The following PHLPP1 variants were observed in gnomAD, a reference collection of about 807,000 sequenced individuals.
PHLPP1 encodes the protein PH domain and leucine rich repeat protein phosphatase 1, also known as PH domain leucine-rich repeat-containing protein phosphatase 1.
In PHLPP1, 42 loss-of-function variants were observed where a neutral mutation model predicts 117.2. That is an observed-to-expected ratio of 0.36 (90% CI 0.28 to 0.46). The LOEUF (loss-of-function observed/expected upper bound fraction) is 0.46. Among genes scored for constraint, PHLPP1 ranks in the 20% least tolerant of loss-of-function variants. The pLI, the probability that PHLPP1 is intolerant of heterozygous loss-of-function variation, is 1.00. For synonymous variants in PHLPP1, 1,042 were observed against 970.7 expected, an observed-to-expected ratio of 1.07 and a Z score of -1.37; for missense variants, 2,084 against 2,241.9, an observed-to-expected ratio of 0.93 and a Z score of 1.42.
At chr18:62,847,247 CGTT>C in intron 3 of PHLPP1, among the ~76,000 whole-genome samples, 1 of 152,208 alleles carries the variant, frequency 6.6e-6, no homozygotes, top group East Asian at 1.9e-4. Flanking sequence ...TGGAATTAGC[CGTT>C]GTTGTTCTCA....
chr18:62,923,829 T>G (rs1909545447), intron 10 of PHLPP1, among the ~76,000 whole-genome samples: 1 of 152,110 alleles, frequency 6.6e-6, no homozygotes, highest in Non-Finnish European at 1.5e-5. Flanking sequence ...CCGGAAAACA[T>G]GAAATTTAAA....
chr18:62,764,550 G>A (rs917781892), intron 1 of PHLPP1, among the ~76,000 whole-genome samples: 4 of 151,892 alleles, frequency 2.6e-5, no homozygotes, highest in African/African-American at 2.4e-5. Flanking sequence ...TCAGGAGTTC[G>A]AGATCAGCCT....
chr18:62,807,405 T>C (rs1172384629), intron 1 of PHLPP1, among the ~76,000 whole-genome samples: 1 of 152,246 alleles, frequency 6.6e-6, no homozygotes, highest in Non-Finnish European at 1.5e-5. Context: ...GTATTTGCTC[T>C]AAGGCTTATG....
At chr18:62,948,155 T>A (rs998557336) in intron 12 of PHLPP1, among the ~76,000 whole-genome samples, 1 of 151,952 alleles carries the variant, frequency 6.6e-6, no homozygotes, top group Non-Finnish European at 1.5e-5. Context: ...TGAAACACTG[T>A]CTCTACTAAA....
rs932345605 is a variant in PHLPP1 at position 62,885,655 on chromosome 18, G to A, written c.2067-9356G>A. Among the ~76,000 whole-genome samples, 8 of 149,898 alleles carry A rather than the reference G, an allele frequency of 5.3e-5. No individual in the cohort carries two copies. The East Asian group carries it at 5.8e-4, about 11-fold the overall frequency. On this transcript the variant is annotated intron_variant, in intron 4 of 16. Coordinates refer to ENST00000262719, the MANE Select transcript of PHLPP1 (RefSeq NM_194449.4). ...AGCATGGGTGACAGAGTGAGACTCC[G>A]TCTCAAAAACAAAACAAAACAAAAC...
chr18:62,770,135 A>C (rs911741324), intron 1 of PHLPP1, among the ~76,000 whole-genome samples: 20 of 151,634 alleles, frequency 1.3e-4, no homozygotes, highest in African/African-American at 4.8e-4. Flanking sequence ...TTTGAGATGG[A>C]GCTTCACTTT....
At chr18:62,973,513 C>G (rs1016323050) in intron 15 of PHLPP1, among the ~76,000 whole-genome samples, 3 of 152,166 alleles carry the variant, frequency 2.0e-5, no homozygotes, top group Admixed American at 6.5e-5. Flanking sequence ...GTGTTTTATC[C>G]TTATCTGCTC....
chr18:62,920,065 C>T lies in PHLPP1; in HGVS notation c.2911C>T (p.His971Tyr), dbSNP rs1213353752. The T allele has an allele frequency of 6.2e-7, 1 of 1,613,642 alleles. No homozygotes were observed. The highest frequency in any genetic ancestry group is 2.2e-5 in the East Asian group (1 of 44,874). The stretch of plus-strand genomic sequence containing the variant: ...CTCGGTGGAGGTCTTGGATGTGCAA[C>T]ACAACCAGCTCCTTGAGCTCCCACC... The part of the protein sequence containing the change: ...RTSVEVLDVQ[H>Y]NQLLELPPNL... The change falls in exon 10 of 17, where the codon CAC (histidine) becomes TAC (tyrosine). Residue 971 changes from histidine to tyrosine, a missense_variant. By Grantham distance (83) the His-to-Tyr change is moderately conservative. Coordinates refer to ENST00000262719, the MANE Select transcript of PHLPP1 (RefSeq NM_194449.4).
At chr18:62,848,709 C>T (rs927948526) in intron 3 of PHLPP1, among the ~76,000 whole-genome samples, 1 of 152,100 alleles carries the variant, frequency 6.6e-6, no homozygotes, top group African/African-American at 2.4e-5. Context: ...AGCAGTCCTC[C>T]CACCTTGGCC....
intron 1 of PHLPP1, among the ~76,000 whole-genome samples, chr18:62,787,057 T>A (rs1439153424): frequency 6.6e-6 from 1 of 151,970 alleles, no homozygotes; most frequent in Non-Finnish European, 1.5e-5. Flanking sequence ...AGAGACGGAG[T>A]CTCACTTTGT....
intron 4 of PHLPP1, among the ~76,000 whole-genome samples, chr18:62,879,557 G>A (rs1489600448): frequency 2.0e-5 from 3 of 152,040 alleles, no homozygotes; most frequent in African/African-American, 7.2e-5. Flanking sequence ...GATTACAGGC[G>A]TGTGCCACCA....
chr18:62,905,618 AT>A (rs984507531), intron 8 of PHLPP1, among the ~76,000 whole-genome samples: 6 of 151,950 alleles, frequency 3.9e-5, no homozygotes, highest in Non-Finnish European at 8.8e-5. Flanking sequence ...TGTTAATTTT[AT>A]TTTTTATTTT....
intron 4 of PHLPP1, among the ~76,000 whole-genome samples, chr18:62,866,434 G>A (rs1470033784): frequency 3.3e-5 from 5 of 151,786 alleles, no homozygotes; most frequent in African/African-American, 4.8e-5. Context: ...TAGTAGAGAC[G>A]GGGTTTTGCC....
At chr18:62,795,289 G>A (rs899217241) in intron 1 of PHLPP1, among the ~76,000 whole-genome samples, 4 of 151,848 alleles carry the variant, frequency 2.6e-5, no homozygotes, top group Non-Finnish European at 5.9e-5. Context: ...ACGAGCCTTG[G>A]CAACACGGTG....
At chr18:62,975,010 G>A (rs1447459847) in intron 15 of PHLPP1, among the ~76,000 whole-genome samples, 2 of 152,206 alleles carry the variant, frequency 1.3e-5, no homozygotes, top group African/African-American at 2.4e-5. Context: ...TGGGGACAGA[G>A]GGGATTTAGA....
intron 1 of PHLPP1, among the ~76,000 whole-genome samples, chr18:62,735,395 T>C (rs151187093): frequency 8.1e-4 from 124 of 152,240 alleles, no homozygotes; most frequent in African/African-American, 2.5e-3. Context: ...AGGATGTCAT[T>C]CTTAAGATAC....
intron 3 of PHLPP1, among the ~76,000 whole-genome samples, chr18:62,841,347 T>G (rs546510178): frequency 2.0e-5 from 3 of 148,522 alleles, no homozygotes; most frequent in Non-Finnish European, 4.5e-5. Context: ...TTTTTTTTTT[T>G]TTTGAGATGG....
At chr18:62,827,033 G>A (rs1311773178) in intron 1 of PHLPP1, among the ~76,000 whole-genome samples, 1 of 151,990 alleles carries the variant, frequency 6.6e-6, no homozygotes, top group Non-Finnish European at 1.5e-5. Flanking sequence ...ATAATCCAGA[G>A]GCTCTAGTTT....
intron 7 of PHLPP1, among the ~76,000 whole-genome samples, chr18:62,903,824 A>G (rs1318693027): frequency 6.6e-6 from 1 of 152,126 alleles, no homozygotes; most frequent in African/African-American, 2.4e-5. Context: ...CTAGAATGAT[A>G]TATGCACAAG....
Sources: allele counts gnomAD v4.1 joint callset (sites outside exome capture counted in the v4.1 genomes callset), GRCh38; gene constraint gnomAD v4.1.1; transcripts MANE v1.5; gene names NCBI Gene and HGNC (gene_info 2026-07-23, HGNC 2026-07-21).